Variants in PPWD1 observed in about 807,000 individuals in gnomAD.
The protein encoded by PPWD1 is peptidylprolyl isomerase domain and WD repeat containing 1, also known as peptidylprolyl isomerase domain and WD repeat-containing protein 1.
A neutral mutation model predicts 68.8 loss-of-function variants in PPWD1; 43 were observed. The ratio of observed to expected loss-of-function variants is 0.62; its 90% CI spans 0.49 to 0.81. The LOEUF (loss-of-function observed/expected upper bound fraction) is 0.81, where lower values mean the gene tolerates loss of function less well. Among genes scored for constraint, PPWD1 ranks in the 30% least tolerant of loss-of-function variants. The pLI, the probability that PPWD1 is intolerant of heterozygous loss-of-function variation, is 0.00. For synonymous variants in PPWD1, 232 were observed against 258.7 expected (o/e 0.90, Z 0.99); for missense variants, 672 against 804.8 (o/e 0.83, Z 2.00).
At chr5:65,563,564 GT>G in intron 1 of PPWD1, 58 bp downstream of exon 1, 3 of 1,532,928 alleles carry the variant, frequency 2.0e-6, no homozygotes, top group Non-Finnish European at 2.6e-6. Flanking sequence ...GAGTAGGAGG[GT>G]TCAAGCCAGA....
Position 65,563,483 on chromosome 5 carries a change from C to T in PPWD1, c.173C>T (p.Ala58Val). ...TGGGTTGGACCTTTACCTGTGGAGG[C>T]AACACTGGCCAAGAAGAGGAAAGGT... Reference protein sequence around the residue: ...ERWVGPLPVEATLAKKRKVLE... With the variant: ...ERWVGPLPVEVTLAKKRKVLE... Residue 58 changes from alanine (A) to valine (V), a missense_variant, in exon 1 of 11, where the codon GCA (alanine) becomes GTA (valine). Physicochemically the swap from Ala to Val is moderately conservative, Grantham distance 64. Around this residue, in one of 2 missense-constraint regions of PPWD1, gnomAD observed 188 missense variants for 158.6 expected, o/e 1.19. Transcript: ENST00000261308. 1 of 1,612,816 alleles carries T rather than the reference C, an allele frequency of 6.2e-7. No homozygotes were observed. Among genetic ancestry groups the T allele is most frequent in the Non-Finnish European group, 8.5e-7 (1 of 1,179,628 alleles).
chr5:65,563,976 T>G lies in PPWD1; in HGVS notation c.196+470T>G, dbSNP rs1752499921. 7 of 792,378 alleles carry G rather than the reference T, an allele frequency of 8.8e-6. No homozygotes were observed. In the East Asian group the frequency reaches 1.9e-4, roughly 21 times the overall value. The allele number at this position is 792,378 out of a possible 1,614,324, so 49.1% of individuals were successfully genotyped here. ...TAAAGATAATTTCAACTCTGACACT[T>G]CCACTAATAAATTTTCGCATCTAGG... On this transcript the variant is annotated intron_variant, in intron 1 of 10. Transcript: ENST00000261308.
intron 7 of PPWD1, among the ~76,000 whole-genome samples, chr5:65,582,342 A>C (rs572898937): frequency 1.3e-5 from 2 of 152,186 alleles, no homozygotes; most frequent in African/African-American, 4.8e-5. Context: ...GAAAATTTGC[A>C]TTCTTTCTCC....
chr5:65,564,318 C>CTTTTTTTTTTTTT (rs550753414), intron 1 of PPWD1, among the ~76,000 whole-genome samples: 1 of 117,230 alleles, frequency 8.5e-6, no homozygotes, highest in Non-Finnish European at 1.7e-5. Flanking sequence ...TTTTCTCTCT[C>CTTTTTTTTTTTTT]TTTTTTTTTT....
intron 6 of PPWD1, among the ~76,000 whole-genome samples, chr5:65,578,798 A>ACATATATGTGTG (rs1753449731): frequency 1.1e-5 from 1 of 92,626 alleles, no homozygotes; most frequent in Admixed American, 9.5e-5. Flanking sequence ...ATATATATAC[A>ACATATATGTGTG]TATATATGTG....
intron 10 of PPWD1, 142 bp downstream of exon 10, chr5:65,586,323 G>T: frequency 1.1e-6 from 1 of 887,220 alleles, no homozygotes; most frequent in Non-Finnish European, 1.6e-6. Context: ...AAATGATCAA[G>T]AATATAAAAT....
At chr5:65,580,052 G>A (rs918209138) in intron 7 of PPWD1, among the ~76,000 whole-genome samples, 4 of 151,882 alleles carry the variant, frequency 2.6e-5, no homozygotes, top group African/African-American at 9.7e-5. Context: ...TGCTACCTTG[G>A]AATTATATAT....
chr5:65,576,809 G>C, intron 5 of PPWD1, 70 bp from the exon 6 acceptor site: 1 of 1,520,992 alleles, frequency 6.6e-7, no homozygotes, highest in Non-Finnish European at 8.9e-7. Context: ...TGCATATATA[G>C]ATAGATGGGT....
intron 10 of PPWD1, among the ~76,000 whole-genome samples, chr5:65,586,583 T>C (rs2150612303): frequency 6.6e-6 from 1 of 152,278 alleles, no homozygotes; most frequent in Non-Finnish European, 1.5e-5. Context: ...CAGAATACAT[T>C]AGATTTGATG....
rs558510925 is a variant in PPWD1 at position 65,564,594 on chromosome 5, A to G, written c.196+1088A>G. Among the ~76,000 whole-genome samples the G allele has an allele frequency of 3.9e-5, 6 of 152,272 alleles. No individual in the cohort carries two copies. The South Asian group carries it at 1.2e-3, about 32-fold the overall frequency. On this transcript the variant is annotated intron_variant, in intron 1 of 10. Transcript: ENST00000261308. ...TCGGCCTCTCAAAAGTGCTGGGATT[A>G]CAGGCATGAGCCACGGCGCCCAGCT...
In PPWD1 at chr5:65,567,588, A is replaced by T. The variant is rs1752834855; in HGVS notation, c.272A>T (p.Asp91Val). Reference protein sequence around the residue: ...SMYERSYMHRDVITHVVCTKT... With the variant: ...SMYERSYMHRVVITHVVCTKT... ...TATGAGCGCAGTTACATGCATAGAG[A>T]TGTTATCACCCATGTGGTATGCACC... Residue 91 changes from aspartate to valine, a missense_variant, in exon 2 of 11, where the codon GAT becomes GTT. By Grantham distance (152) the Asp-to-Val change is radical (BLOSUM62 -3). Coordinates refer to ENST00000261308, the MANE Select transcript of PPWD1 (RefSeq NM_015342.4). The T allele has an allele frequency of 1.2e-6, 2 of 1,611,640 alleles. No individual in the cohort carries two copies. Among genetic ancestry groups the T allele is most frequent in the Non-Finnish European group, 1.7e-6 (2 of 1,178,480 alleles).
chr5:65,572,875 G>A (rs1753077425), intron 5 of PPWD1, among the ~76,000 whole-genome samples: 1 of 152,062 alleles, frequency 6.6e-6, no homozygotes, highest in African/African-American at 2.4e-5. Flanking sequence ...TCTTTTGCCT[G>A]ACCTATTACA....
In PPWD1 at chr5:65,579,616, A is replaced by G. The variant is rs768057682; in HGVS notation, c.1350+3A>G. 6.5e-7 allele frequency: 1 copy of G among 1,543,548 alleles called. No individual in the cohort carries two copies. The highest frequency in any genetic ancestry group is 8.7e-7 in the Non-Finnish European group (1 of 1,147,758). On this transcript the variant is annotated splice_donor_region_variant and intron_variant, in intron 7 of 10. Coordinates refer to ENST00000261308, the MANE Select transcript of PPWD1 (RefSeq NM_015342.4). ...TCAAAAAGAATAGATTTTATATGGT[A>G]TGTGTAAGTACTAGGAGATTAGACG...
chr5:65,578,756 A>ATGTGTATATATATATACATATATG (rs1561729301), intron 6 of PPWD1, among the ~76,000 whole-genome samples: 4 of 73,984 alleles, frequency 5.4e-5, no homozygotes, highest in African/African-American at 2.6e-4. Context: ...ACACACATAT[A>ATGTGTATATATATATACATATATG]TGTGTATATA....
At chr5:65,563,763 T>C in intron 1 of PPWD1, 1 of 1,466,056 alleles carries the variant, frequency 6.8e-7, no homozygotes, top group Non-Finnish European at 9.2e-7. Flanking sequence ...AACATTTTCC[T>C]ATTCTTATGT....
In PPWD1 at chr5:65,563,379, A is replaced by G. The variant is rs1328431449; in HGVS notation, c.69A>G (p.Glu23=). The G allele has an allele frequency of 1.2e-6, 2 of 1,614,178 alleles. No individual in the cohort carries two copies. ...RRRRRDPEEP[E]KTELSERELA... ...GGCGCCGGGACCCGGAGGAACCGGA[A>G]AAAACAGAACTCAGCGAAAGAGAGC... Residue 23 remains glutamate, a synonymous_variant, in exon 1 of 11, where the codon GAA becomes GAG. Coordinates refer to ENST00000261308, the MANE Select transcript of PPWD1 (RefSeq NM_015342.4).
At chr5:65,579,908 T>C (rs1209869950) in intron 7 of PPWD1, among the ~76,000 whole-genome samples, 1 of 152,232 alleles carries the variant, frequency 6.6e-6, no homozygotes, top group Admixed American at 6.5e-5. Context: ...CCAAAATAGT[T>C]TCACTGTGGG....
chr5:65,569,340 T>TTA (rs1752911511), intron 2 of PPWD1: 2 of 279,838 alleles, frequency 7.1e-6, no homozygotes, highest in Non-Finnish European at 1.4e-5. Context: ...CAATAAGGAA[T>TTA]CCAAAGTGTA....
chr5:65,575,274 A>C (rs965265192), intron 5 of PPWD1, among the ~76,000 whole-genome samples: 2 of 152,194 alleles, frequency 1.3e-5, no homozygotes, highest in African/African-American at 4.8e-5. Flanking sequence ...TCCGGCAGAA[A>C]TGATCATTAG....
Sources: allele counts gnomAD v4.1 joint callset (sites outside exome capture counted in the v4.1 genomes callset), GRCh38; gene constraint gnomAD v4.1.1; regional missense constraint gnomAD v4.1.1; transcripts MANE v1.5; gene names NCBI Gene and HGNC (gene_info 2026-07-23, HGNC 2026-07-21).